AKAP19: variants seen among roughly 807,000 people sequenced by gnomAD.
AKAP19 encodes the protein A-kinase anchoring protein 19, also known as small A-kinase anchoring protein.
At chr2:190,008,286 A>C in the AKAP19 span, among the ~76,000 whole-genome samples, 1 of 152,324 alleles carries the variant, frequency 6.6e-6, no homozygotes, top group Admixed American at 6.5e-5. Context: ...TATTTATTCC[A>C]ATTATAATCA....
chr2:190,149,831 C>A, the AKAP19 span, among the ~76,000 whole-genome samples: 1 of 152,084 alleles, frequency 6.6e-6, no homozygotes, highest in Non-Finnish European at 1.5e-5. Context: ...TCTGTTATGT[C>A]CATTTGTTCC....
the AKAP19 span, among the ~76,000 whole-genome samples, chr2:190,161,142 T>C: frequency 6.6e-6 from 1 of 152,150 alleles, no homozygotes; most frequent in South Asian, 2.1e-4. Context: ...AAAATATACA[T>C]AGTGGAAAGA....
the AKAP19 span, among the ~76,000 whole-genome samples, chr2:189,906,973 A>G: frequency 6.6e-6 from 1 of 152,192 alleles, no homozygotes; most frequent in Admixed American, 6.5e-5. Context: ...TGCACAGGCA[A>G]AAAGACTGGA....
the AKAP19 span, among the ~76,000 whole-genome samples, chr2:190,168,348 T>A: frequency 1.3e-5 from 2 of 152,304 alleles, no homozygotes; most frequent in South Asian, 4.1e-4. Context: ...CCTAGGCCTC[T>A]GGGCCTGTGA....
At chr2:189,940,752 G>A in the AKAP19 span, among the ~76,000 whole-genome samples, 13 of 152,052 alleles carry the variant, frequency 8.5e-5, no homozygotes, top group African/African-American at 1.2e-4. Flanking sequence ...TTAGCCAGGC[G>A]TGGTGGCGGA....
the AKAP19 span, among the ~76,000 whole-genome samples, chr2:190,143,786 G>C: frequency 6.6e-6 from 1 of 150,574 alleles, no homozygotes; most frequent in East Asian, 1.9e-4. Context: ...GTCCAACAAT[G>C]ATAGACTGGA....
the AKAP19 span, among the ~76,000 whole-genome samples, chr2:189,883,350 C>G: frequency 6.6e-6 from 1 of 152,152 alleles, no homozygotes; most frequent in Non-Finnish European, 1.5e-5. Context: ...CTGACTTCTA[C>G]TAAAATCTGC....
chr2:190,158,964 C>A, the AKAP19 span, among the ~76,000 whole-genome samples: 1 of 152,132 alleles, frequency 6.6e-6, no homozygotes, highest in East Asian at 1.9e-4. Flanking sequence ...ACTTCTAAGA[C>A]AGGATGAGGA....
chr2:190,131,239 T>A, the AKAP19 span, among the ~76,000 whole-genome samples: 1 of 152,172 alleles, frequency 6.6e-6, no homozygotes, highest in Admixed American at 6.5e-5. Flanking sequence ...AGATGGGGAA[T>A]GATCACCAGA....
chr2:190,154,538 G>C, the AKAP19 span, among the ~76,000 whole-genome samples: 26 of 152,192 alleles, frequency 1.7e-4, no homozygotes, highest in African/African-American at 6.0e-4. Flanking sequence ...TTTTGGGTGT[G>C]AGTTCTATAT....
the AKAP19 span, among the ~76,000 whole-genome samples, chr2:189,892,741 A>G: frequency 1.3e-5 from 2 of 152,202 alleles, no homozygotes; most frequent in African/African-American, 4.8e-5. Context: ...CAGTCTGCCC[A>G]TTAGCAGAGC....
the AKAP19 span, among the ~76,000 whole-genome samples, chr2:189,949,579 G>A: frequency 1.3e-5 from 2 of 149,818 alleles, no homozygotes; most frequent in Non-Finnish European, 3.0e-5. Context: ...TTATTCAAGG[G>A]TCAATTATGT....
At chr2:189,999,197 C>G in the AKAP19 span, among the ~76,000 whole-genome samples, 1 of 150,376 alleles carries the variant, frequency 6.6e-6, no homozygotes, top group African/African-American at 2.5e-5. Context: ...TGAGATGTTT[C>G]TTTATCAATG....
the AKAP19 span, among the ~76,000 whole-genome samples, chr2:190,027,293 C>T: frequency 1.3e-5 from 2 of 152,138 alleles, no homozygotes; most frequent in Admixed American, 6.6e-5. Flanking sequence ...CATGTGGTGG[C>T]TATGTACTAG....
the AKAP19 span, among the ~76,000 whole-genome samples, chr2:190,157,393 C>CACACACACACAT: frequency 0.026 from 3,952 of 149,156 alleles, 101 homozygotes; most frequent in East Asian, 0.12. Context: ...CACACACACA[C>CACACACACACAT]ATATCACAGG....
the AKAP19 span, among the ~76,000 whole-genome samples, chr2:190,090,144 T>C: frequency 1.3e-5 from 2 of 152,190 alleles, no homozygotes; most frequent in East Asian, 1.9e-4. Flanking sequence ...CCCTTTTCAA[T>C]TGCAGCACTC....
chr2:190,172,574 A>G, the AKAP19 span, among the ~76,000 whole-genome samples: 2 of 152,146 alleles, frequency 1.3e-5, no homozygotes, highest in East Asian at 3.8e-4. Flanking sequence ...GCTCATGACA[A>G]TTAAGGGATT....
chr2:189,954,599 G>C, the AKAP19 span, among the ~76,000 whole-genome samples: 2 of 152,026 alleles, frequency 1.3e-5, no homozygotes, highest in East Asian at 1.9e-4. Flanking sequence ...GGCATAAATG[G>C]GTTAAATCAC....
At chr2:190,102,509 A>G in the AKAP19 span, among the ~76,000 whole-genome samples, 2 of 152,036 alleles carry the variant, frequency 1.3e-5, no homozygotes, top group Admixed American at 6.6e-5. Context: ...CGACATTACA[A>G]TTGAGCCTAC....
Sources: gnomAD v4.1 joint callset for allele counts (sites outside exome capture counted in the v4.1 genomes callset) on GRCh38, gnomAD v4.1.1 for gene constraint, MANE v1.5 for transcripts, NCBI Gene and HGNC (gene_info 2026-07-23, HGNC 2026-07-21) for gene names.